ROR2: variants seen among roughly 807,000 people sequenced by gnomAD.
ROR2 encodes tyrosine-protein kinase transmembrane receptor ROR2.
Under a neutral mutation model 74.9 loss-of-function variants are expected in ROR2, and 33 were observed. The observed-to-expected ratio is 0.44, with a 90% CI of 0.33 to 0.59. The LOEUF (loss-of-function observed/expected upper bound fraction) is 0.59. Ranked by LOEUF, ROR2 falls within the 20% of genes least tolerant of loss-of-function variation. The pLI, the probability that ROR2 is intolerant of heterozygous loss-of-function variation, is 0.02. For missense variants in ROR2, 1,216 were observed against 1,313.8 expected, an observed-to-expected ratio of 0.93 and a Z score of 1.15; for synonymous variants, 586 against 558.7, an observed-to-expected ratio of 1.05 and a Z score of -0.69.
rs1830784528 is a variant in ROR2 at position 91,905,221 on chromosome 9, CCACTCAA to C, written c.97+44639_97+44645del. 6.6e-6 allele frequency among the ~76,000 whole-genome samples: 1 copy of C among 151,438 alleles called. No individual in the cohort carries two copies. The highest frequency in any genetic ancestry group is 1.5e-5 in the Non-Finnish European group (1 of 67,838). ...ACAAACACCACATATACACCAAACA[CCACTCAA>C]CACAAACACCACATACAACACATAC... On this transcript the variant is annotated intron_variant, in intron 1 of 8. Transcript: ENST00000375708. The surrounding 1 kb of genome is among the most constrained non-coding windows in gnomAD (Gnocchi z 5.3).
In ROR2 at chr9:91,829,803, G is replaced by C. The variant is rs1828406963; in HGVS notation, c.98-53985C>G. Among the ~76,000 whole-genome samples the C allele has an allele frequency of 3.9e-5, 6 of 152,118 alleles. No homozygotes were observed. In the South Asian group the frequency reaches 8.3e-4, roughly 21 times the overall value. ...ATTAATGGAAACATTAAAAATGATAGTTAGGTACTATAAATAATGATCCAC... is the reference window on the plus strand; with the variant it reads ...ATTAATGGAAACATTAAAAATGATACTTAGGTACTATAAATAATGATCCAC... On this transcript the variant is annotated intron_variant, in intron 1 of 8. Coordinates refer to ENST00000375708, the MANE Select transcript of ROR2 (RefSeq NM_004560.4).
chr9:91,791,621 T>C (rs566097851), intron 1 of ROR2, among the ~76,000 whole-genome samples: 1 of 152,100 alleles, frequency 6.6e-6, no homozygotes, highest in Non-Finnish European at 1.5e-5. Flanking sequence ...AAAGGAGACA[T>C]AGATAATTCA....
At position 91,810,373 on chromosome 9, in the gene ROR2, G is replaced by T. The variant is rs142196390; in HGVS notation, c.98-34555C>A. Among the ~76,000 whole-genome samples, 4 of 152,292 alleles carry T rather than the reference G, an allele frequency of 2.6e-5. No individual in the cohort carries two copies. In the East Asian group the frequency reaches 7.7e-4, roughly 29 times the overall value. ...AGCCATCAGCAAATGCCTTCCCAGA[G>T]GCGAGTTTCAGGCCCGAAGCACCTG... On this transcript the variant is annotated intron_variant, in intron 1 of 8. Coordinates refer to ENST00000375708, the MANE Select transcript of ROR2 (RefSeq NM_004560.4).
chr9:91,883,580 G>A (rs968377390), intron 1 of ROR2, among the ~76,000 whole-genome samples: 2 of 152,134 alleles, frequency 1.3e-5, no homozygotes, highest in Non-Finnish European at 2.9e-5. Flanking sequence ...GTGGCTGCAG[G>A]CTACTGATTT....
intron 1 of ROR2, among the ~76,000 whole-genome samples, chr9:91,873,359 G>A (rs563655103): frequency 1.2e-4 from 19 of 152,264 alleles, no homozygotes; most frequent in African/African-American, 3.9e-4. Context: ...AGGCTGAGGC[G>A]GGTGGATCAC....
Position 91,733,529 on chromosome 9 carries a change from G to C in ROR2, c.623-93C>G. The stretch of plus-strand genomic sequence containing the variant: ...CACCCCCAGCCTGGCATCCCAGACT[G>C]CCCACTCAGCCCCCTGATGCCCCGC... On this transcript the variant is annotated intron_variant, in intron 5 of 8. Coordinates refer to ENST00000375708, the MANE Select transcript of ROR2 (RefSeq NM_004560.4). This position sits in a 1 kb window ranked among gnomAD's most constrained non-coding sequence, Gnocchi z 5.7. The C allele has an allele frequency of 1.5e-6, 2 of 1,357,886 alleles. No individual in the cohort carries two copies. The highest frequency in any genetic ancestry group is 2.0e-6 in the Non-Finnish European group (2 of 1,000,222). The allele number at this position is 1,357,886 out of a possible 1,614,324, so 84.1% of individuals were successfully genotyped here. A position where few individuals can be genotyped will look rare whatever the true frequency, so the allele number is the denominator to read the frequency against.
chr9:91,884,631 C>G (rs768522144), intron 1 of ROR2, among the ~76,000 whole-genome samples: 1 of 152,036 alleles, frequency 6.6e-6, no homozygotes, highest in Non-Finnish European at 1.5e-5. Context: ...CCTGATCTGA[C>G]GATATCTGAC....
chr9:91,924,901 G>A (rs573082767), intron 1 of ROR2, among the ~76,000 whole-genome samples: 11 of 152,294 alleles, frequency 7.2e-5, no homozygotes, highest in African/African-American at 2.6e-4. Flanking sequence ...CTGGAGTGCA[G>A]TGGCACAATC....
intron 1 of ROR2, among the ~76,000 whole-genome samples, chr9:91,914,923 G>C (rs1831090951): frequency 6.6e-6 from 1 of 152,036 alleles, no homozygotes; most frequent in Non-Finnish European, 1.5e-5. Context: ...CACCATTGAA[G>C]AGTACATTTA....
chr9:91,748,338 G>A (rs1825496196), intron 4 of ROR2, among the ~76,000 whole-genome samples: 1 of 151,930 alleles, frequency 6.6e-6, no homozygotes. Context: ...AAAATGATGA[G>A]TTGTCAAGTG....
At chr9:91,766,461 A>G (rs192033586) in intron 2 of ROR2, among the ~76,000 whole-genome samples, 42 of 152,260 alleles carry the variant, frequency 2.8e-4, no homozygotes, top group Admixed American at 5.9e-4. Context: ...TATTTTATTG[A>G]GCACTCATAT....
chr9:91,895,292 C>T (rs1371942513), intron 1 of ROR2, among the ~76,000 whole-genome samples: 2 of 152,162 alleles, frequency 1.3e-5, no homozygotes, highest in Non-Finnish European at 2.9e-5. Context: ...ATTTTTACGG[C>T]ATTGAAAAAT....
chr9:91,937,029 C>CAAAAAAA (rs540672189), intron 1 of ROR2, among the ~76,000 whole-genome samples: 21 of 65,658 alleles, frequency 3.2e-4, no homozygotes, highest in African/African-American at 9.8e-4. Flanking sequence ...GACTCCGTCT[C>CAAAAAAA]AAAAAAAAAA....
In ROR2 at chr9:91,855,512, C is replaced by T. The variant is rs530749490; in HGVS notation, c.98-79694G>A. 8.9e-4 allele frequency among the ~76,000 whole-genome samples: 135 copies of T among 152,324 alleles called. 1 individual carries two copies. The highest frequency in any genetic ancestry group is 3.2e-3 in the African/African-American group (131 of 41,576). ...AGGTTCATCTCCCACAGCACTGGAA[C>T]AGCCCTTTCCATGGAACAGTGACCT... On this transcript the variant is annotated intron_variant, in intron 1 of 8. Transcript: ENST00000375708.
At chr9:91,916,165 A>G (rs1346129684) in intron 1 of ROR2, among the ~76,000 whole-genome samples, 1 of 152,214 alleles carries the variant, frequency 6.6e-6, no homozygotes, top group African/African-American at 2.4e-5. Flanking sequence ...CCTAGCAGCC[A>G]AAGTTGTCTT....
intron 1 of ROR2, among the ~76,000 whole-genome samples, chr9:91,832,367 CAAAAAAAAAAAAAA>C (rs10677451): frequency 2.3e-4 from 9 of 38,340 alleles, no homozygotes; most frequent in African/African-American, 5.7e-4. Context: ...GTCACAATGG[CAAAAAAAAAAAAAA>C]AAAAAAAAAA....
At chr9:91,850,090 G>T (rs187335840) in intron 1 of ROR2, among the ~76,000 whole-genome samples, 235 of 152,260 alleles carry the variant, frequency 1.5e-3, no homozygotes, top group African/African-American at 5.4e-3. Flanking sequence ...CAAATCCCAA[G>T]ACACAGAATT....
At position 91,722,723 on chromosome 9, in the gene ROR2, C is replaced by A. The variant is rs906963227; in HGVS notation, c.*939G>T. The A allele has an allele frequency of 4.2e-6, 3 of 708,538 alleles. No individual in the cohort carries two copies. Among genetic ancestry groups the A allele is most frequent in the Non-Finnish European group, 7.8e-6 (3 of 383,098 alleles). The allele number at this position is 708,538 out of a possible 1,614,324, so 43.9% of individuals were successfully genotyped here. On this transcript the variant is annotated 3_prime_UTR_variant, in exon 9 of 9. Transcript: ENST00000375708. ...TAACAGGGGCTGTAAAATGAATGGACCTCATGTGCACGTGGTACAGAGAGA... is the reference window on the plus strand; with the variant it reads ...TAACAGGGGCTGTAAAATGAATGGAACTCATGTGCACGTGGTACAGAGAGA...
chr9:91,737,344 G>A (rs1272959519), intron 5 of ROR2, 47 bp downstream of exon 5: 1 of 1,612,914 alleles, frequency 6.2e-7, no homozygotes, highest in African/African-American at 1.3e-5. Context: ...GCGACAGATG[G>A]CTGTGTGCAT....
Sources: gnomAD v4.1 joint callset for allele counts (sites outside exome capture counted in the v4.1 genomes callset) on GRCh38, gnomAD v4.1.1 for gene constraint, Gnocchi (gnomAD v3.1) non-coding constraint, MANE v1.5 for transcripts, NCBI Gene and HGNC (gene_info 2026-07-23, HGNC 2026-07-21) for gene names.